Variants in SLC38A7 observed in about 807,000 individuals in gnomAD.
SLC38A7 encodes solute carrier family 38 member 7, also known as sodium-coupled neutral amino acid transporter 7.
Under a neutral mutation model 50.1 loss-of-function variants are expected in SLC38A7, and 29 were observed. The observed-to-expected ratio is 0.58, with a 90% CI of 0.43 to 0.79. The LOEUF is 0.79. Ranked by LOEUF, SLC38A7 falls within the 30% of genes least tolerant of loss-of-function variation. SLC38A7 has a pLI of 0.00. For synonymous variants in SLC38A7, 244 were observed against 245.9 expected, an observed-to-expected ratio of 0.99 and a Z score of 0.07; for missense variants, 483 against 610.6, an observed-to-expected ratio of 0.79 and a Z score of 2.20.
At chr16:58,676,179 TC>T (rs1567472577) in intron 7 of SLC38A7, 109 bp downstream of exon 7, 1 of 1,559,440 alleles carries the variant, frequency 6.4e-7, no homozygotes, top group Non-Finnish European at 8.8e-7. Flanking sequence ...GTTCCATCCT[TC>T]CCCCCAGGAT....
At chr16:58,679,504 T>C (rs2044341636) in intron 3 of SLC38A7, 1 of 500,506 alleles carries the variant, frequency 2.0e-6, no homozygotes, top group African/African-American at 1.9e-5. Context: ...CCTCCCACTC[T>C]GCATTTATTG....
intron 11 of SLC38A7, among the ~76,000 whole-genome samples, chr16:58,668,312 C>A (rs987810444): frequency 1.3e-5 from 2 of 151,072 alleles, no homozygotes; most frequent in Non-Finnish European, 3.0e-5. Flanking sequence ...TGGTGGCTCA[C>A]GCCTGTAATC....
At chr16:58,672,700 G>A (rs1161618039) in intron 8 of SLC38A7, among the ~76,000 whole-genome samples, 2 of 152,004 alleles carry the variant, frequency 1.3e-5, no homozygotes, top group Non-Finnish European at 1.5e-5. Context: ...AGACTAGAGC[G>A]CAGTAGTGTG....
chr16:58,677,512 G>C, intron 5 of SLC38A7, 88 bp from the exon 6 acceptor site: 2 of 1,115,222 alleles, frequency 1.8e-6, no homozygotes, highest in South Asian at 1.3e-5. Context: ...CAGCTCTAGC[G>C]ACCACAAGTG....
In SLC38A7 at chr16:58,665,753, G is replaced by C. The variant is rs1436649155; in HGVS notation, c.*1632C>G. 1 of 152,240 alleles carries C rather than the reference G, an allele frequency of 6.6e-6. No homozygotes were observed. Among genetic ancestry groups the C allele is most frequent in the East Asian group, 1.9e-4 (1 of 5,182 alleles). The allele number at this position is 152,240 out of a possible 1,614,324, so 9.4% of individuals were successfully genotyped here. On this transcript the variant is annotated 3_prime_UTR_variant, in exon 12 of 12. Transcript: ENST00000219320. ...ACGGGAATATAGTGGGGAGTAGGGT[G>C]GGAGGTGGGGAGATAGCCTATCTCT...
Position 58,676,289 on chromosome 16 carries a change from C to T in SLC38A7, c.768G>A (p.Gln256=). 6.2e-7 allele frequency: 1 copy of T among 1,614,180 alleles called. No individual in the cohort carries two copies. The highest frequency in any genetic ancestry group is 8.5e-7 in the Non-Finnish European group (1 of 1,180,034). ...GGGACCTTGCAACTGGCACTGGCAC[C>T]TGAAATCCGAAGCAGATGGTGGGCA... ...NAMPTICFGF[Q]CHVSSVPVFN... Residue 256 remains glutamine (Q), a splice_region_variant and synonymous_variant, in exon 7 of 12, where the codon CAG becomes CAA. Transcript: ENST00000219320.
rs759409044 is a variant in SLC38A7 at position 58,672,172 on chromosome 16, T to C, written c.955A>G (p.Met319Val). 38 of 1,570,202 alleles carry C rather than the reference T, an allele frequency of 2.4e-5. 1 individual carries two copies. The highest frequency in any genetic ancestry group is 4.7e-5 in the South Asian group (4 of 85,192). The part of the protein sequence containing the change: ...DVLLSYPSED[M>V]AVAVARAFII... The stretch of plus-strand genomic sequence containing the variant: ...AAGGCTCGGGCAACGGCCACGGCCA[T>C]GTCCTCCGAGGGATAGGACAGGAGC... The change falls in exon 9 of 12, where the codon ATG becomes GTG. Residue 319 changes from methionine to valine, a missense_variant. Coordinates refer to ENST00000219320, the MANE Select transcript of SLC38A7 (RefSeq NM_018231.3).
chr16:58,677,203 A>C (rs2044286269), intron 6 of SLC38A7, 123 bp downstream of exon 6: 2 of 754,622 alleles, frequency 2.7e-6, no homozygotes, highest in Non-Finnish European at 2.3e-6. Context: ...TGACCAAGTC[A>C]GCCCTGATGA....
rs1030154919 is a variant in SLC38A7, at chr16:58,667,212, G to T, written c.*173C>A. ...GGACTGGGGAGCAGGAAGGGGACTG[G>T]ATTTGAGCTGTCCAGAGGTGTGGGG... On this transcript the variant is annotated 3_prime_UTR_variant, in exon 12 of 12. Coordinates refer to ENST00000219320, the MANE Select transcript of SLC38A7 (RefSeq NM_018231.3). 13 of 607,402 alleles carry T rather than the reference G, an allele frequency of 2.1e-5. 1 individual carries two copies. The highest frequency in any genetic ancestry group is 1.7e-4 in the South Asian group (8 of 47,164). The allele number at this position is 607,402 out of a possible 1,614,324, so 37.6% of individuals were successfully genotyped here.
rs1444852155 is a variant in SLC38A7 at position 58,666,547 on chromosome 16, C to A, written c.*838G>T. On this transcript the variant is annotated 3_prime_UTR_variant, in exon 12 of 12. Transcript: ENST00000219320. ...GAGGGTCTGAAAGGTTCTCAGCCTT[C>A]TCCATCACCCACCCTGCGGCCTCTG... is the stretch of plus-strand genomic sequence containing the variant. The A allele has an allele frequency of 6.5e-6, 1 of 152,798 alleles. No homozygotes were observed. Among genetic ancestry groups the A allele is most frequent in the Non-Finnish European group, 1.5e-5 (1 of 68,218 alleles). The allele number at this position is 152,798 out of a possible 1,614,324, so 9.5% of individuals were successfully genotyped here. A position where few individuals can be genotyped will look rare whatever the true frequency, so the allele number is the denominator to read the frequency against.
At position 58,667,988 on chromosome 16, in the gene SLC38A7, A is replaced by G. The variant is rs375280506; in HGVS notation, c.1287-501T>C. Among the ~76,000 whole-genome samples, 36 of 151,802 alleles carry G rather than the reference A, an allele frequency of 2.4e-4. No individual in the cohort carries two copies. In the East Asian group the frequency reaches 5.3e-3, roughly 22 times the overall value. Reference sequence around the variant, plus strand: ...CGAGACCAGCCTGGGCAAGATGGCAAAACCCCATCTCTACTAAAAACAGAA... The same window carrying G: ...CGAGACCAGCCTGGGCAAGATGGCAGAACCCCATCTCTACTAAAAACAGAA... On this transcript the variant is annotated intron_variant, in intron 11 of 11. Coordinates refer to ENST00000219320, the MANE Select transcript of SLC38A7 (RefSeq NM_018231.3).
chr16:58,676,184 C>T, intron 7 of SLC38A7, 105 bp downstream of exon 7: 6 of 1,572,822 alleles, frequency 3.8e-6, no homozygotes, highest in Non-Finnish European at 5.2e-6. Context: ...ATCCTTCCCC[C>T]CAGGATTTCC....
chr16:58,676,465 C>T (rs2044269597), intron 6 of SLC38A7, 119 bp from the exon 7 acceptor site: 10 of 1,029,964 alleles, frequency 9.7e-6, no homozygotes, highest in Non-Finnish European at 1.5e-5. Flanking sequence ...TCCATAGCTT[C>T]AACCCACAGA....
At chr16:58,674,588 A>AT (rs1209072511) in intron 8 of SLC38A7, among the ~76,000 whole-genome samples, 164 of 151,360 alleles carry the variant, frequency 1.1e-3, no homozygotes, top group Admixed American at 4.5e-3. Flanking sequence ...TCGCTTTCTA[A>AT]TTTTTTTTTA....
intron 10 of SLC38A7, among the ~76,000 whole-genome samples, chr16:58,670,638 G>C (rs1339304332): frequency 6.6e-6 from 1 of 152,212 alleles, no homozygotes; most frequent in Non-Finnish European, 1.5e-5. Flanking sequence ...CTGTGTCAGG[G>C]TGCCACCCCA....
chr16:58,676,055 C>G lies in SLC38A7; in HGVS notation c.769-1G>C. The G allele has an allele frequency of 6.2e-7, 1 of 1,612,468 alleles. No individual in the cohort carries two copies. The highest frequency in any genetic ancestry group is 8.5e-7 in the Non-Finnish European group (1 of 1,179,336). ...AGACGGGCACACTGCTGACGTGGCA[C>G]TGTCCAGGTGAAGGGCACCGTCATG... is the stretch of plus-strand genomic sequence containing the variant. On this transcript the variant is annotated splice_acceptor_variant, in intron 7 of 11. Coordinates refer to ENST00000219320, the MANE Select transcript of SLC38A7 (RefSeq NM_018231.3). LOFTEE classifies it high-confidence loss of function.
Position 58,676,018 on chromosome 16 carries a change from G to A in SLC38A7, c.805C>T (p.Gln269Ter). 1.2e-6 allele frequency: 2 copies of A among 1,613,708 alleles called. No homozygotes were observed. Among genetic ancestry groups the A allele is most frequent in the East Asian group, 2.2e-5 (1 of 44,874 alleles). ...CCCCAGGTCTTCACTTCAGGCTGCT[G>A]CATGCTGTTGAAGACGGGCACACTG... Reference protein sequence around the residue: ...VSSVPVFNSMQQPEVKTWGGV... With the variant: ...VSSVPVFNSM Residue 269 changes from glutamine (Q) to a stop codon, truncating the protein, a stop_gained, in exon 8 of 12, where the codon CAG (glutamine) becomes TAG (stop). Transcript: ENST00000219320. LOFTEE classifies it high-confidence loss of function.
intron 11 of SLC38A7, among the ~76,000 whole-genome samples, chr16:58,668,067 C>T (rs1422842768): frequency 2.0e-5 from 3 of 146,840 alleles, no homozygotes; most frequent in African/African-American, 5.1e-5. Context: ...TTTGGGAGGC[C>T]GAGGCAGATG....
At chr16:58,674,918 C>T (rs1473105113) in intron 8 of SLC38A7, among the ~76,000 whole-genome samples, 1 of 152,108 alleles carries the variant, frequency 6.6e-6, no homozygotes, top group Non-Finnish European at 1.5e-5. Context: ...CCGAACCACC[C>T]CCCTGCTTAA....
Sources: gnomAD v4.1 joint callset for allele counts (sites outside exome capture counted in the v4.1 genomes callset) on GRCh38, gnomAD v4.1.1 for gene constraint, MANE v1.5 for transcripts, NCBI Gene and HGNC (gene_info 2026-07-23, HGNC 2026-07-21) for gene names.